Variants in FER1L6 observed in about 807,000 individuals in gnomAD.
FER1L6 encodes fer-1 like family member 6, also known as fer-1-like protein 6.
In FER1L6, 177 loss-of-function variants were observed where a neutral mutation model predicts 219.2. The observed-to-expected ratio is 0.81, with a 90% CI of 0.71 to 0.91. FER1L6 has a LOEUF of 0.91. FER1L6 is among the 40% of genes least tolerant of loss of function. The pLI is 0.00. For missense variants in FER1L6, 2,153 were observed against 2,259.9 expected (o/e 0.95, Z 0.96); for synonymous variants, 768 against 824.3 (o/e 0.93, Z 1.17).
intron 1 of FER1L6, among the ~76,000 whole-genome samples, chr8:123,875,111 C>T (rs1190925581): frequency 6.6e-6 from 1 of 152,136 alleles, no homozygotes; most frequent in African/African-American, 2.4e-5. Context: ...AGGAGAATCG[C>T]TTGAACCCGG....
intron 5 of FER1L6, among the ~76,000 whole-genome samples, chr8:123,969,591 T>C (rs1274488491): frequency 2.0e-5 from 3 of 152,176 alleles, no homozygotes; most frequent in Non-Finnish European, 2.9e-5. Context: ...CCATTTCTCA[T>C]GTTCATTTTG....
intron 33 of FER1L6, among the ~76,000 whole-genome samples, chr8:124,090,592 T>C (rs1021115128): frequency 1.3e-5 from 2 of 152,198 alleles, no homozygotes; most frequent in African/African-American, 4.8e-5. Context: ...AACTACTTGA[T>C]AGCTCCATTT....
At chr8:124,055,620 G>C (rs1212297182) in intron 22 of FER1L6, among the ~76,000 whole-genome samples, 5 of 151,932 alleles carry the variant, frequency 3.3e-5, no homozygotes, top group Non-Finnish European at 5.9e-5. Flanking sequence ...TCCTATTACA[G>C]TTTTCCTCTC....
intron 18 of FER1L6, among the ~76,000 whole-genome samples, chr8:124,028,880 A>G (rs944464982): frequency 1.3e-5 from 2 of 152,130 alleles, no homozygotes; most frequent in African/African-American, 4.8e-5. Flanking sequence ...TCAACCTGTC[A>G]TCTAGGTTTT....
intron 24 of FER1L6, among the ~76,000 whole-genome samples, chr8:124,061,419 T>C (rs549775666): frequency 2.1e-4 from 32 of 152,250 alleles, no homozygotes; most frequent in Non-Finnish European, 4.3e-4. Flanking sequence ...TCAGGCTGCA[T>C]TGAGTCTCGG....
chr8:124,078,449 C>T (rs1488664415), intron 32 of FER1L6, among the ~76,000 whole-genome samples: 1 of 152,226 alleles, frequency 6.6e-6, no homozygotes, highest in Non-Finnish European at 1.5e-5. Flanking sequence ...TCATTCACAT[C>T]TGCAGGACTT....
chr8:124,017,658 C>T lies in FER1L6; in HGVS notation c.1953C>T (p.Pro651=). Residue 651 remains proline, a synonymous_variant, in exon 16 of 41, where the codon CCC becomes CCT. Coordinates refer to ENST00000522917, the MANE Select transcript of FER1L6 (RefSeq NM_001039112.2). ...TTATCTCTGAAGCAGAAAAAAAGCC[C>T]AAGATGTTGAACCAAACCACTTTAG... ...SAFISEAEKK[P]KMLNQTTLDK... is the part of the protein sequence containing the mutation. 2 of 1,613,612 alleles carry T rather than the reference C, an allele frequency of 1.2e-6. No individual in the cohort carries two copies. The highest frequency in any genetic ancestry group is 8.5e-7 in the Non-Finnish European group (1 of 1,179,692).
Position 124,120,026 on chromosome 8 carries a change from T to G in FER1L6, c.*236T>G, listed in dbSNP as rs1823422801. The G allele has an allele frequency of 2.5e-6, 1 of 404,318 alleles. No homozygotes were observed. Among genetic ancestry groups the G allele is most frequent in the Non-Finnish European group, 4.4e-6 (1 of 229,718 alleles). The allele number at this position is 404,318 out of a possible 1,614,324, so 25.0% of individuals were successfully genotyped here. A position where few individuals can be genotyped will look rare whatever the true frequency, so the allele number is the denominator to read the frequency against. Reference sequence around the variant, plus strand: ...CAGCATGAAATAAGGCACTTTCACCTCATGGTAATCAACAATGACCTCAAA... The same window carrying G: ...CAGCATGAAATAAGGCACTTTCACCGCATGGTAATCAACAATGACCTCAAA... On this transcript the variant is annotated 3_prime_UTR_variant, in exon 41 of 41. Transcript: ENST00000522917.
intron 1 of FER1L6, among the ~76,000 whole-genome samples, chr8:123,947,654 T>C (rs1814561793): frequency 6.6e-6 from 1 of 152,204 alleles, no homozygotes; most frequent in Non-Finnish European, 1.5e-5. Flanking sequence ...TGAGGGTACA[T>C]ATGTAAACTA....
chr8:123,907,271 A>T (rs1812970807), intron 1 of FER1L6, among the ~76,000 whole-genome samples: 1 of 152,200 alleles, frequency 6.6e-6, no homozygotes, highest in Admixed American at 6.5e-5. Flanking sequence ...ACATACTCAC[A>T]CACAAATCAT....
At chr8:123,898,740 A>ATGTG (rs1812797499) in intron 1 of FER1L6, among the ~76,000 whole-genome samples, 1 of 141,316 alleles carries the variant, frequency 7.1e-6, no homozygotes, top group Non-Finnish European at 1.5e-5. Context: ...TAGTATATAT[A>ATGTG]CATATATACT....
intron 1 of FER1L6, among the ~76,000 whole-genome samples, chr8:123,875,596 G>A (rs945269141): frequency 2.0e-5 from 3 of 152,038 alleles, no homozygotes; most frequent in African/African-American, 7.2e-5. Context: ...TTCCATATAT[G>A]TATATACAAC....
intron 22 of FER1L6, among the ~76,000 whole-genome samples, chr8:124,057,497 A>G (rs970976329): frequency 6.6e-5 from 10 of 151,984 alleles, no homozygotes; most frequent in African/African-American, 2.2e-4. Flanking sequence ...CCCTGGCTTG[A>G]TGTTTTAAAT....
chr8:124,056,297 T>C (rs1176730862), intron 22 of FER1L6, among the ~76,000 whole-genome samples: 1 of 152,208 alleles, frequency 6.6e-6, no homozygotes, highest in Non-Finnish European at 1.5e-5. Context: ...GGGCCACTGC[T>C]ATTTGGTCTA....
intron 1 of FER1L6, among the ~76,000 whole-genome samples, chr8:123,926,472 C>T (rs1479651198): frequency 4.6e-5 from 7 of 152,062 alleles, no homozygotes; most frequent in South Asian, 2.1e-4. Context: ...TCTGGGAGTT[C>T]GTCACCGGGA....
chr8:124,044,732 T>C (rs576229117), intron 20 of FER1L6, among the ~76,000 whole-genome samples: 10 of 152,360 alleles, frequency 6.6e-5, no homozygotes, highest in Non-Finnish European at 1.3e-4. Flanking sequence ...ATGGAATAGC[T>C]TCTGCCCAGG....
chr8:124,076,190 C>G lies in FER1L6; in HGVS notation c.4093-8C>G. 1 of 1,613,142 alleles carries G rather than the reference C, an allele frequency of 6.2e-7. No homozygotes were observed. The highest frequency in any genetic ancestry group is 8.5e-7 in the Non-Finnish European group (1 of 1,179,598). On this transcript the variant is annotated splice_polypyrimidine_tract_variant and splice_region_variant and intron_variant, in intron 31 of 40. Coordinates refer to ENST00000522917, the MANE Select transcript of FER1L6 (RefSeq NM_001039112.2). ...TTGAACCAAAGACATTTTCTTTTTC[C>G]TTTCCAGGCATTTAATCTTAGTCCA...
At chr8:123,916,971 C>T (rs1355173638) in intron 1 of FER1L6, among the ~76,000 whole-genome samples, 1 of 152,170 alleles carries the variant, frequency 6.6e-6, no homozygotes, top group Non-Finnish European at 1.5e-5. Flanking sequence ...GAGGTATTTC[C>T]TCCTAAAGAA....
chr8:123,956,099 C>G, intron 2 of FER1L6, 25 bp downstream of exon 2: 2 of 1,593,524 alleles, frequency 1.3e-6, no homozygotes, highest in Middle Eastern at 1.8e-4. Context: ...GGGGTGCTGA[C>G]CATTGGGGCC....
Sources: allele counts gnomAD v4.1 joint callset (sites outside exome capture counted in the v4.1 genomes callset), GRCh38; gene constraint gnomAD v4.1.1; transcripts MANE v1.5; gene names NCBI Gene and HGNC (gene_info 2026-07-23, HGNC 2026-07-21).